The following TFEB variants were observed in gnomAD, a reference collection of about 807,000 sequenced individuals.
TFEB encodes the protein T-cell transcription factor EB.
Under a neutral mutation model 48.0 loss-of-function variants are expected in TFEB, and 12 were observed. The ratio of observed to expected loss-of-function variants is 0.25; its 90% CI spans 0.16 to 0.40. TFEB has a LOEUF of 0.40. Ranked by LOEUF, TFEB falls within the 10% of genes least tolerant of loss-of-function variation. The pLI is 1.00. For synonymous variants in TFEB, 244 were observed against 261.4 expected (o/e 0.93, Z 0.64); for missense variants, 509 against 640.3 (o/e 0.79, Z 2.21).
rs1050512893 is a variant in TFEB, at chr6:41,734,635, G to T, written c.-23+715C>A. 1.2e-4 allele frequency among the ~76,000 whole-genome samples: 18 copies of T among 151,728 alleles called. No homozygotes were observed. Among genetic ancestry groups the T allele is most frequent in the Non-Finnish European group, 2.5e-4 (17 of 67,874 alleles). Reference sequence around the variant, plus strand: ...CCCGGGGGGAGGCAGACAACGGGGCGCACGGAGGGAGCGCTCCGGGGTTGG... The same window carrying T: ...CCCGGGGGGAGGCAGACAACGGGGCTCACGGAGGGAGCGCTCCGGGGTTGG... On this transcript the variant is annotated intron_variant, in intron 1 of 8. Coordinates refer to ENST00000373033, the MANE Select transcript of TFEB (RefSeq NM_001271944.2). The surrounding 1 kb of genome is among the most constrained non-coding windows in gnomAD (Gnocchi z 4.0).
intron 1 of TFEB, among the ~76,000 whole-genome samples, chr6:41,692,483 G>A (rs1769366279): frequency 6.6e-6 from 1 of 152,202 alleles, no homozygotes; most frequent in African/African-American, 2.4e-5. Flanking sequence ...AGCCCAGAGA[G>A]GACTTCCCAC....
rs111837879 is a variant in TFEB, at chr6:41,688,114, C to A, written c.550-86G>T. The A allele has an allele frequency of 4.9e-5, 74 of 1,496,174 alleles. No homozygotes were observed. The Middle Eastern group carries it at 1.0e-3, about 20-fold the overall frequency. The allele number at this position is 1,496,174 out of a possible 1,614,324, so 92.7% of individuals were successfully genotyped here. A position where few individuals can be genotyped will look rare whatever the true frequency, so the allele number is the denominator to read the frequency against. On this transcript the variant is annotated intron_variant, in intron 4 of 8. Transcript: ENST00000373033. ...TAGGGCCTATCATCCCAGGAGCAGT[C>A]CTTCCTGGGGACACCTGGAGTGTCA...
Position 41,724,356 on chromosome 6 carries a change from G to A in TFEB, c.-23+10994C>T, listed in dbSNP as rs1171933303. 6.6e-6 allele frequency among the ~76,000 whole-genome samples: 1 copy of A among 152,150 alleles called. No homozygotes were observed. Among genetic ancestry groups the A allele is most frequent in the African/African-American group, 2.4e-5 (1 of 41,424 alleles). On this transcript the variant is annotated intron_variant, in intron 1 of 8. Coordinates refer to ENST00000373033, the MANE Select transcript of TFEB (RefSeq NM_001271944.2). This position sits in a 1 kb window ranked among gnomAD's most constrained non-coding sequence, Gnocchi z 4.4. ...GCGTCTCAGGGTGGATGAGTTTACT[G>A]GGCCCTTTCGTGAGTGCAGGTTTCA...
In TFEB at chr6:41,690,867, C is replaced by T; in HGVS notation, c.264G>A (p.Gln88=). 1 of 1,608,160 alleles carries T rather than the reference C, an allele frequency of 6.2e-7. No individual in the cohort carries two copies. The highest frequency in any genetic ancestry group is 8.5e-7 in the Non-Finnish European group (1 of 1,176,016). ...NPTSYHLQQS[Q]HQKVREYLSE... is the part of the protein sequence containing the mutation. ...ACAGGTACTCCCGCACCTTCTGATG[C>T]TGCGACTGCTGCAGATGGTAGGATG... Residue 88 remains glutamine, a synonymous_variant, in exon 3 of 9, where the codon CAG becomes CAA. Coordinates refer to ENST00000373033, the MANE Select transcript of TFEB (RefSeq NM_001271944.2).
intron 1 of TFEB, among the ~76,000 whole-genome samples, chr6:41,721,964 T>C (rs533414198): frequency 6.6e-6 from 1 of 152,074 alleles, no homozygotes; most frequent in African/African-American, 2.4e-5. Context: ...CAACTACTAA[T>C]AAACCATTCC....
At chr6:41,722,164 G>A (rs1210038656) in intron 1 of TFEB, among the ~76,000 whole-genome samples, 1 of 152,122 alleles carries the variant, frequency 6.6e-6, no homozygotes, top group African/African-American at 2.4e-5. Flanking sequence ...TATTTTAGTA[G>A]GGACGGGGTT....
intron 1 of TFEB, among the ~76,000 whole-genome samples, chr6:41,714,764 C>G (rs1235237291): frequency 6.6e-6 from 1 of 152,160 alleles, no homozygotes. Flanking sequence ...CAGAGAGGCC[C>G]TGGAGGCAGC....
At position 41,720,435 on chromosome 6, in the gene TFEB, C is replaced by T. The variant is rs1770930462; in HGVS notation, c.-23+14915G>A. On this transcript the variant is annotated intron_variant, in intron 1 of 8. Coordinates refer to ENST00000373033, the MANE Select transcript of TFEB (RefSeq NM_001271944.2). The surrounding 1 kb of genome is among the most constrained non-coding windows in gnomAD (Gnocchi z 4.1). ...TGTCCTCATGACCTTCCCCAGTCCT[C>T]CCAGCCTTAAAGACGACAATCATAA... is the stretch of plus-strand genomic sequence containing the variant. The T allele has an allele frequency of 6.6e-6, 1 of 152,356 alleles. No homozygotes were observed. The allele number at this position is 152,356 out of a possible 1,614,324, so 9.4% of individuals were successfully genotyped here.
In TFEB at chr6:41,734,814, C is replaced by G; in HGVS notation, c.-23+536G>C. ...GTACTTCCACCCGCCCCCCCATCAG[C>G]CCAGCCCCCGGGGCGTGGCGCCGCT... On this transcript the variant is annotated intron_variant, in intron 1 of 8. Transcript: ENST00000373033. The surrounding 1 kb of genome is among the most constrained non-coding windows in gnomAD (Gnocchi z 4.0). 3.9e-6 allele frequency: 3 copies of G among 763,362 alleles called. No homozygotes were observed. Among genetic ancestry groups the G allele is most frequent in the Non-Finnish European group, 4.8e-6 (3 of 627,734 alleles). 47.3% of individuals were successfully genotyped at this position (763,362 alleles called of 1,614,324 possible). A position where few individuals can be genotyped will look rare whatever the true frequency, so the allele number is the denominator to read the frequency against.
chr6:41,725,995 G>A (rs563289490), intron 1 of TFEB, among the ~76,000 whole-genome samples: 14 of 152,354 alleles, frequency 9.2e-5, no homozygotes, highest in African/African-American at 3.4e-4. Flanking sequence ...TGCAATCCTG[G>A]CACTTTGGGA....
At chr6:41,692,509 A>G (rs368433285) in intron 1 of TFEB, among the ~76,000 whole-genome samples, 1 of 152,154 alleles carries the variant, frequency 6.6e-6, no homozygotes, top group East Asian at 1.9e-4. Context: ...CATCAGCCCT[A>G]ATCTCCTACA....
At chr6:41,702,333 C>A (rs147483634) in intron 1 of TFEB, among the ~76,000 whole-genome samples, 13 of 152,232 alleles carry the variant, frequency 8.5e-5, no homozygotes, top group Admixed American at 7.8e-4. Context: ...GAGCCTGGGT[C>A]GGAGGGGGCG....
In TFEB at chr6:41,712,312, G is replaced by A. The variant is rs1581916236; in HGVS notation, c.-22-21077C>T. On this transcript the variant is annotated intron_variant, in intron 1 of 8. Transcript: ENST00000373033. ...TTCTACCCTGGGGACATATATTTTC[G>A]AGAAAGAGGCTCCCCAAAGTGGGGC... 5.3e-5 allele frequency among the ~76,000 whole-genome samples: 8 copies of A among 152,228 alleles called. No individual in the cohort carries two copies. In the South Asian group the frequency reaches 1.5e-3, roughly 28 times the overall value.
chr6:41,695,982 C>T (rs574877944), intron 1 of TFEB, among the ~76,000 whole-genome samples: 2 of 152,348 alleles, frequency 1.3e-5, no homozygotes, highest in South Asian at 2.1e-4. Context: ...AGGCCAGCCG[C>T]GGTCCCTGGG....
At position 41,690,923 on chromosome 6, in the gene TFEB, AG is replaced by A; in HGVS notation, c.214-7del. On this transcript the variant is annotated splice_polypyrimidine_tract_variant and splice_region_variant and intron_variant, in intron 2 of 8. Transcript: ENST00000373033. ...TTCTCCAGGTAGGACTGCACCTGGG[AG>A]GGGGAAAAGGCAAGGGCTCTAGGGG... 6.5e-7 allele frequency: 1 copy of A among 1,547,686 alleles called. No homozygotes were observed. The highest frequency in any genetic ancestry group is 2.3e-5 in the East Asian group (1 of 42,804).
intron 1 of TFEB, among the ~76,000 whole-genome samples, chr6:41,702,076 T>C (rs1235120603): frequency 6.6e-6 from 1 of 152,062 alleles, no homozygotes; most frequent in Non-Finnish European, 1.5e-5. Context: ...AGAGGTAACC[T>C]GGGGCCCATA....
rs956714108 is a variant in TFEB, at chr6:41,730,902, C to T, written c.-23+4448G>A. Among the ~76,000 whole-genome samples, 3 of 152,046 alleles carry T rather than the reference C, an allele frequency of 2.0e-5. No individual in the cohort carries two copies. Among genetic ancestry groups the T allele is most frequent in the Non-Finnish European group, 4.4e-5 (3 of 68,004 alleles). On this transcript the variant is annotated intron_variant, in intron 1 of 8. Coordinates refer to ENST00000373033, the MANE Select transcript of TFEB (RefSeq NM_001271944.2). The surrounding 1 kb of genome is among the most constrained non-coding windows in gnomAD (Gnocchi z 4.1). ...TCAGGCATTGCCAAGCCCCCTGCAC[C>T]GTCTTATTCAACAAGGAGAGGAGGC...
chr6:41,724,127 C>T lies in TFEB; in HGVS notation c.-23+11223G>A, dbSNP rs1179658361. 3.9e-5 allele frequency among the ~76,000 whole-genome samples: 6 copies of T among 152,316 alleles called. No individual in the cohort carries two copies. Among genetic ancestry groups the T allele is most frequent in the Non-Finnish European group, 8.8e-5 (6 of 68,034 alleles). ...GCAGCTCCGGGAAGATCCACACCAC[C>T]GCACACTTTTCACTTGTGCAGAAAC... On this transcript the variant is annotated intron_variant, in intron 1 of 8. Coordinates refer to ENST00000373033, the MANE Select transcript of TFEB (RefSeq NM_001271944.2). The surrounding 1 kb of genome is among the most constrained non-coding windows in gnomAD (Gnocchi z 4.4).
chr6:41,727,120 C>A (rs1158293926), intron 1 of TFEB, among the ~76,000 whole-genome samples: 1 of 152,148 alleles, frequency 6.6e-6, no homozygotes, highest in African/African-American at 2.4e-5. Context: ...TAGGGGGTTG[C>A]GTCAGGCTGG....
Sources: allele counts gnomAD v4.1 joint callset (sites outside exome capture counted in the v4.1 genomes callset), GRCh38; gene constraint gnomAD v4.1.1; non-coding constraint Gnocchi (gnomAD v3.1); transcripts MANE v1.5; gene names NCBI Gene and HGNC (gene_info 2026-07-23, HGNC 2026-07-21).